The following NRG1 variants were observed in gnomAD, a reference collection of about 807,000 sequenced individuals.
NRG1 encodes neuregulin 1.
Under a neutral mutation model 63.8 loss-of-function variants are expected in NRG1, and 18 were observed. The ratio of observed to expected loss-of-function variants is 0.28; its 90% confidence interval spans 0.19 to 0.42. The LOEUF is 0.42. Among genes scored for constraint, NRG1 ranks in the 10% least tolerant of loss-of-function variants. The pLI is 1.00. For missense variants in NRG1, 762 were observed against 814.7 expected, an observed-to-expected ratio of 0.94 and a Z score of 0.79; for synonymous variants, 302 against 301.3, an observed-to-expected ratio of 1.00 and a Z score of -0.02.
At chr8:32,286,566 C>T (rs1323192613) in intron 1 of NRG1, among the ~76,000 whole-genome samples, 1 of 152,230 alleles carries the variant, frequency 6.6e-6, no homozygotes, top group Non-Finnish European at 1.5e-5. Flanking sequence ...TGGTGCCATT[C>T]TGGCAGGATC....
At chr8:31,784,878 T>C (rs1385332151) in intron 1 of NRG1, among the ~76,000 whole-genome samples, 1 of 152,166 alleles carries the variant, frequency 6.6e-6, no homozygotes, top group Non-Finnish European at 1.5e-5. Flanking sequence ...TCTTCAAAGA[T>C]GTTGAGCAGT....
intron 1 of NRG1, among the ~76,000 whole-genome samples, chr8:32,056,748 G>C (rs1175131789): frequency 1.3e-5 from 2 of 152,080 alleles, no homozygotes; most frequent in African/African-American, 4.8e-5. Flanking sequence ...GATTATATGA[G>C]ACCCAGGGGG....
intron 4 of NRG1, among the ~76,000 whole-genome samples, chr8:32,616,534 G>A (rs1847395720): frequency 6.6e-6 from 1 of 152,060 alleles, no homozygotes; most frequent in Non-Finnish European, 1.5e-5. Context: ...TCTCACCTGT[G>A]GTGTGTATCT....
At position 31,758,479 on chromosome 8, in the gene NRG1, T is replaced by C. The variant is rs1206034716; in HGVS notation, c.37+119048T>C. 2.0e-5 allele frequency among the ~76,000 whole-genome samples: 3 copies of C among 152,146 alleles called. No homozygotes were observed. In the East Asian group the frequency reaches 5.8e-4, roughly 29 times the overall value. On this transcript the variant is annotated intron_variant, in intron 1 of 10. Transcript: ENST00000519301. ...TGGAACCAACTCAAATGCCCATCAA[T>C]GATACACTGAATAAAGAAACTGTGG...
intron 1 of NRG1, among the ~76,000 whole-genome samples, chr8:32,069,451 G>C (rs1412901419): frequency 2.0e-5 from 3 of 152,182 alleles, no homozygotes; most frequent in Non-Finnish European, 2.9e-5. Flanking sequence ...TGCAGAAAAT[G>C]CTTATACTTT....
chr8:32,427,833 T>C (rs1817592075), intron 1 of NRG1, among the ~76,000 whole-genome samples: 1 of 152,166 alleles, frequency 6.6e-6, no homozygotes, highest in African/African-American at 2.4e-5. Flanking sequence ...ATTATTTATG[T>C]TGACTAATGT....
intron 1 of NRG1, among the ~76,000 whole-genome samples, chr8:31,774,109 T>G (rs2131584162): frequency 6.6e-6 from 1 of 152,270 alleles, no homozygotes; most frequent in African/African-American, 2.4e-5. Flanking sequence ...TCTTTTCAAC[T>G]TCCCCTCCTG....
intron 1 of NRG1, among the ~76,000 whole-genome samples, chr8:31,752,882 T>C (rs1332420647): frequency 2.6e-5 from 4 of 152,088 alleles, no homozygotes; most frequent in Non-Finnish European, 5.9e-5. Flanking sequence ...ACACTTATCA[T>C]AAGATTATTG....
chr8:32,200,490 C>A (rs1395074136), intron 1 of NRG1, among the ~76,000 whole-genome samples: 5 of 152,126 alleles, frequency 3.3e-5, no homozygotes, highest in Non-Finnish European at 2.9e-5. Context: ...CCCCACCCCA[C>A]CCCTGTTTAT....
At chr8:31,862,104 C>A (rs191703020) in intron 1 of NRG1, among the ~76,000 whole-genome samples, 1 of 152,098 alleles carries the variant, frequency 6.6e-6, no homozygotes, top group East Asian at 1.9e-4. Flanking sequence ...AGAAGGAAAC[C>A]CTGGGAAATG....
intron 1 of NRG1, among the ~76,000 whole-genome samples, chr8:32,493,583 C>T (rs903527431): frequency 1.3e-5 from 2 of 152,152 alleles, no homozygotes; most frequent in Admixed American, 1.3e-4. Flanking sequence ...CTTATAATTG[C>T]CTCATTTGAA....
chr8:32,572,535 C>G, intron 1 of NRG1, among the ~76,000 whole-genome samples: 1 of 152,156 alleles, frequency 6.6e-6, no homozygotes, highest in East Asian at 1.9e-4. Flanking sequence ...TCCTAACTTT[C>G]AATTACATCT....
chr8:31,716,768 G>A (rs534191167), intron 1 of NRG1, among the ~76,000 whole-genome samples: 1 of 152,114 alleles, frequency 6.6e-6, no homozygotes, highest in East Asian at 1.9e-4. Flanking sequence ...TAATCTTTAG[G>A]GTAAAGTCTT....
chr8:32,517,264 C>T (rs767566034), intron 1 of NRG1, among the ~76,000 whole-genome samples: 17 of 152,064 alleles, frequency 1.1e-4, no homozygotes, highest in Non-Finnish European at 1.9e-4. Flanking sequence ...TACTTACCCA[C>T]CTTCTTTACT....
intron 1 of NRG1, among the ~76,000 whole-genome samples, chr8:32,161,806 C>T (rs1408543308): frequency 6.6e-6 from 1 of 152,148 alleles, no homozygotes; most frequent in Non-Finnish European, 1.5e-5. Flanking sequence ...GTCACGCTGA[C>T]GTTGTTCAGA....
intron 1 of NRG1, among the ~76,000 whole-genome samples, chr8:31,699,935 G>A (rs536817127): frequency 6.6e-6 from 1 of 152,070 alleles, no homozygotes; most frequent in Non-Finnish European, 1.5e-5. Flanking sequence ...AGTTCTGGAA[G>A]GTTTATTTGG....
At chr8:31,687,178 G>A (rs1188237723) in intron 1 of NRG1, among the ~76,000 whole-genome samples, 2 of 152,118 alleles carry the variant, frequency 1.3e-5, no homozygotes, top group African/African-American at 2.4e-5. Context: ...ACTATCTGGG[G>A]TAGTAGAAAG....
chr8:32,238,813 T>C (rs1847828588), intron 1 of NRG1, among the ~76,000 whole-genome samples: 1 of 152,164 alleles, frequency 6.6e-6, no homozygotes, highest in South Asian at 2.1e-4. Flanking sequence ...TTAAATTTGG[T>C]AGAACTCATG....
chr8:31,848,508 C>A (rs1414628875), intron 1 of NRG1, among the ~76,000 whole-genome samples: 1 of 149,768 alleles, frequency 6.7e-6, no homozygotes, highest in African/African-American at 2.4e-5. Flanking sequence ...ACCCCTGGGC[C>A]ATGGACCAGT....
Sources: gnomAD v4.1 joint callset for allele counts (sites outside exome capture counted in the v4.1 genomes callset) on GRCh38, gnomAD v4.1.1 for gene constraint, MANE v1.5 for transcripts, NCBI Gene and HGNC (gene_info 2026-07-23, HGNC 2026-07-21) for gene names.